Variants in LRMDA observed in about 807,000 individuals in gnomAD.
The protein encoded by LRMDA is leucine rich melanocyte differentiation associated.
LRMDA carries 18 observed loss-of-function variants against 29.8 expected under a neutral mutation model. The ratio of observed to expected loss-of-function variants is 0.60; its 90% CI spans 0.42 to 0.90. LRMDA has a LOEUF of 0.90. Ranked by LOEUF, LRMDA falls within the 40% of genes least tolerant of loss-of-function variation. The pLI is 0.00. For missense variants in LRMDA, 273 were observed against 273.9 expected (o/e 1.00, Z 0.02); for synonymous variants, 125 against 109.4 (o/e 1.14, Z -0.89).
chr10:75,649,111 T>G (rs1841565743), intron 2 of LRMDA, among the ~76,000 whole-genome samples: 2 of 152,118 alleles, frequency 1.3e-5, no homozygotes, highest in African/African-American at 4.8e-5. Flanking sequence ...TAACTCCCCA[T>G]TCCTCCCTCC....
intron 5 of LRMDA, among the ~76,000 whole-genome samples, chr10:76,208,607 G>A (rs148309208): frequency 0.01 from 1,527 of 152,274 alleles, 11 homozygotes; most frequent in Non-Finnish European, 0.014. Flanking sequence ...CTCAATGCGG[G>A]GAAACCAGCT....
chr10:75,626,393 A>G (rs1424493902), intron 2 of LRMDA, among the ~76,000 whole-genome samples: 2 of 152,102 alleles, frequency 1.3e-5, no homozygotes, highest in Non-Finnish European at 1.5e-5. Flanking sequence ...GGGCAAATAA[A>G]TGTGCTCTAG....
intron 2 of LRMDA, among the ~76,000 whole-genome samples, chr10:75,698,016 T>C (rs1842259057): frequency 6.6e-6 from 1 of 152,192 alleles, no homozygotes; most frequent in Admixed American, 6.5e-5. Flanking sequence ...CTGGAGTAGA[T>C]ACTCTTATTA....
At chr10:76,545,219 A>T (rs1843406138) in intron 6 of LRMDA, among the ~76,000 whole-genome samples, 1 of 151,088 alleles carries the variant, frequency 6.6e-6, no homozygotes, top group Non-Finnish European at 1.5e-5. Flanking sequence ...TAGGAAAACA[A>T]GAAAGCAAAT....
At chr10:75,545,590 G>A (rs985202207) in intron 2 of LRMDA, among the ~76,000 whole-genome samples, 3 of 152,108 alleles carry the variant, frequency 2.0e-5, no homozygotes, top group Admixed American at 6.6e-5. Context: ...ATTGGTTGCC[G>A]TCCTAAAGGT....
At chr10:75,959,117 G>A (rs1348019809) in intron 2 of LRMDA, among the ~76,000 whole-genome samples, 1 of 152,202 alleles carries the variant, frequency 6.6e-6, no homozygotes, top group South Asian at 2.1e-4. Flanking sequence ...CGCCTTAAGA[G>A]TAAGTGGCAG....
chr10:76,511,600 A>G (rs889482227), intron 6 of LRMDA, among the ~76,000 whole-genome samples: 1 of 151,894 alleles, frequency 6.6e-6, no homozygotes, highest in Non-Finnish European at 1.5e-5. Flanking sequence ...GAACTATCCA[A>G]AAATGAAATT....
chr10:75,539,857 A>G (rs1384318105), intron 2 of LRMDA, among the ~76,000 whole-genome samples: 3 of 152,156 alleles, frequency 2.0e-5, no homozygotes, highest in Non-Finnish European at 4.4e-5. Context: ...TTTGTTCTTG[A>G]TGCAAGGGCT....
intron 2 of LRMDA, among the ~76,000 whole-genome samples, chr10:75,942,794 C>T (rs1011775326): frequency 2.0e-5 from 3 of 152,130 alleles, no homozygotes; most frequent in African/African-American, 7.2e-5. Context: ...TTGCTTGGAA[C>T]ATAGTTCATG....
chr10:75,932,649 T>C (rs1846226141), intron 2 of LRMDA, among the ~76,000 whole-genome samples: 1 of 151,758 alleles, frequency 6.6e-6, no homozygotes, highest in Non-Finnish European at 1.5e-5. Flanking sequence ...AAAAAACCAA[T>C]GAAAAAGAAA....
chr10:75,460,030 G>A (rs187390265), intron 2 of LRMDA, among the ~76,000 whole-genome samples: 54 of 152,268 alleles, frequency 3.5e-4, no homozygotes, highest in Non-Finnish European at 7.5e-4. Flanking sequence ...TGGTATTAAG[G>A]TTAGAGACAA....
chr10:76,291,112 C>A (rs898469392), intron 5 of LRMDA, among the ~76,000 whole-genome samples: 1 of 152,086 alleles, frequency 6.6e-6, no homozygotes, highest in Non-Finnish European at 1.5e-5. Context: ...GCTCAAGGAG[C>A]GGTCAATGAG....
chr10:75,562,512 G>A (rs1223106865), intron 2 of LRMDA, among the ~76,000 whole-genome samples: 2 of 152,054 alleles, frequency 1.3e-5, no homozygotes, highest in African/African-American at 4.8e-5. Context: ...TTTAATTGGA[G>A]CATTTAGTCC....
At chr10:76,369,185 A>T (rs1306259538) in intron 6 of LRMDA, among the ~76,000 whole-genome samples, 1 of 151,890 alleles carries the variant, frequency 6.6e-6, no homozygotes, top group Non-Finnish European at 1.5e-5. Context: ...TTTGCTTTTT[A>T]ACTTGTATTT....
intron 5 of LRMDA, among the ~76,000 whole-genome samples, chr10:76,238,838 T>C (rs983285938): frequency 3.3e-5 from 5 of 151,378 alleles, no homozygotes; most frequent in Admixed American, 2.0e-4. Flanking sequence ...TAAAGAAGAG[T>C]GTGTGATGGC....
At chr10:75,602,473 A>T (rs1840899564) in intron 2 of LRMDA, among the ~76,000 whole-genome samples, 1 of 152,166 alleles carries the variant, frequency 6.6e-6, no homozygotes. Flanking sequence ...GCCAGCCATA[A>T]AGGAGCTCAA....
chr10:76,520,270 T>TAATAGTG (rs1843105334), intron 6 of LRMDA, among the ~76,000 whole-genome samples: 1 of 152,100 alleles, frequency 6.6e-6, no homozygotes, highest in Admixed American at 6.6e-5. Context: ...TCAGTTTTTT[T>TAATAGTG]TTTTACAAGT....
At position 75,507,270 on chromosome 10, in the gene LRMDA, C is replaced by T. The variant is rs146451379; in HGVS notation, c.131+68776C>T. Reference sequence around the variant, plus strand: ...CTGGAAGCATCACAAAATGGCACTACAGCCTATTGGGGGCGACCCTGGAGT... The same window carrying T: ...CTGGAAGCATCACAAAATGGCACTATAGCCTATTGGGGGCGACCCTGGAGT... On this transcript the variant is annotated intron_variant, in intron 2 of 6. Coordinates refer to ENST00000611255, the MANE Select transcript of LRMDA (RefSeq NM_001305581.2). Among the ~76,000 whole-genome samples the T allele has an allele frequency of 2.2e-3, 330 of 152,280 alleles. 3 individuals are homozygous for T. Among genetic ancestry groups the T allele is most frequent in the African/African-American group, 7.8e-3 (326 of 41,552 alleles).
At chr10:75,525,266 C>T (rs1845400705) in intron 2 of LRMDA, among the ~76,000 whole-genome samples, 1 of 152,212 alleles carries the variant, frequency 6.6e-6, no homozygotes, top group Non-Finnish European at 1.5e-5. Flanking sequence ...TTTGCTCCTA[C>T]TTTCAGGGCT....
Sources: gnomAD v4.1 joint callset for allele counts (sites outside exome capture counted in the v4.1 genomes callset) on GRCh38, gnomAD v4.1.1 for gene constraint, MANE v1.5 for transcripts, NCBI Gene and HGNC (gene_info 2026-07-23, HGNC 2026-07-21) for gene names.